Variants in IL4I1 observed in about 807,000 individuals in gnomAD.
The protein encoded by IL4I1 is L-amino-acid oxidase.
A neutral mutation model predicts 29.7 loss-of-function variants in IL4I1; 24 were observed. The observed-to-expected ratio is 0.81, with a 90% CI of 0.59 to 1.14. The LOEUF is 1.14. IL4I1 is among the 50% of genes most tolerant of loss of function. The probability of loss-of-function intolerance (pLI) is 0.00; values close to 1 mark genes in which losing one functional copy is unlikely to be tolerated. For missense variants in IL4I1, 686 were observed against 785.6 expected, an observed-to-expected ratio of 0.87 and a Z score of 1.52; for synonymous variants, 371 against 352.5, an observed-to-expected ratio of 1.05 and a Z score of -0.59.
intron 5 of IL4I1, among the ~76,000 whole-genome samples, chr19:49,891,793 A>G (rs2122506895): frequency 6.6e-6 from 1 of 152,236 alleles, no homozygotes; most frequent in East Asian, 1.9e-4. Context: ...TGTGAGCTCC[A>G]TGGAGGCAGG....
intron 2 of IL4I1, among the ~76,000 whole-genome samples, chr19:49,915,067 A>G (rs1421050474): frequency 6.6e-6 from 1 of 151,820 alleles, no homozygotes; most frequent in Non-Finnish European, 1.5e-5. Flanking sequence ...GATGCCTGGG[A>G]CAGGAGTCTG....
At chr19:49,893,874 C>T (rs181750981) in intron 5 of IL4I1, among the ~76,000 whole-genome samples, 83 of 150,910 alleles carry the variant, frequency 5.5e-4, no homozygotes, top group African/African-American at 1.9e-3. Flanking sequence ...GTAATCCCAG[C>T]TACTCGGGAG....
intron 7 of IL4I1, 43 bp downstream of exon 7, chr19:49,890,928 T>TGGGGGGGGGGGGGGGGGGGGGGGGGGG: frequency 3.2e-6 from 2 of 633,210 alleles, no homozygotes. Context: ...TTTCCCTGAT[T>TGGGGGGGGGGGGGGGGGGGGGGGGGGG]GCCCCCCGCC....
chr19:49,890,363 G>A lies in IL4I1; in HGVS notation c.1011C>T (p.Pro337=). The change falls in exon 8 of 8, where the codon CCC becomes CCT. Residue 337 remains proline, a synonymous_variant. Coordinates refer to ENST00000391826, the MANE Select transcript of IL4I1 (RefSeq NM_152899.2). Reference sequence around the variant, plus strand: ...TCCGCAGCGCCTCCTGCATGTGGCGGGGCAGCGGCGGCGAGAAGGTGATGC... The same window carrying A: ...TCCGCAGCGCCTCCTGCATGTGGCGAGGCAGCGGCGGCGAGAAGGTGATGC... The part of the protein sequence containing the change: ...VKRITFSPPL[P]RHMQEALRRL... 2 of 1,598,814 alleles carry A rather than the reference G, an allele frequency of 1.3e-6. No homozygotes were observed. The highest frequency in any genetic ancestry group is 1.7e-6 in the Non-Finnish European group (2 of 1,173,054).
At chr19:49,908,335 G>C in intron 2 of IL4I1, 1 of 1,614,148 alleles carries the variant, frequency 6.2e-7, no homozygotes, top group South Asian at 1.1e-5. Context: ...GCAGGGCCGA[G>C]TTCTGGTCGA....
At chr19:49,908,774 T>C in intron 2 of IL4I1, 1 of 1,613,806 alleles carries the variant, frequency 6.2e-7, no homozygotes, top group East Asian at 2.2e-5. Context: ...CTCCTGGTCC[T>C]CTAGCTCCAG....
At position 49,890,408 on chromosome 19, in the gene IL4I1, C is replaced by A. The variant is rs765334316; in HGVS notation, c.966G>T (p.Ala322=). The change falls in exon 8 of 8, where the codon GCG becomes GCT. Residue 322 remains alanine, a synonymous_variant. Coordinates refer to ENST00000391826, the MANE Select transcript of IL4I1 (RefSeq NM_152899.2). The part of the protein sequence containing the change: ...VLKADVVLLT[A]SGPAVKRITF... ...TGATGCGCTTCACCGCCGGTCCGCTCGCCGTCAGCAGCACCACGTCGGCCT... is the reference window on the plus strand; with the variant it reads ...TGATGCGCTTCACCGCCGGTCCGCTAGCCGTCAGCAGCACCACGTCGGCCT... The A allele has an allele frequency of 3.1e-6, 5 of 1,608,320 alleles. No homozygotes were observed. The highest frequency in any genetic ancestry group is 4.2e-6 in the Non-Finnish European group (5 of 1,178,700).
intron 2 of IL4I1, among the ~76,000 whole-genome samples, chr19:49,926,925 G>A (rs1175262849): frequency 2.0e-5 from 3 of 150,118 alleles, no homozygotes; most frequent in Admixed American, 6.7e-5. Context: ...GCACAATCTC[G>A]GCTTACTGCA....
intron 2 of IL4I1, among the ~76,000 whole-genome samples, chr19:49,925,295 CAAAAA>C (rs2075859958): frequency 6.6e-6 from 1 of 151,590 alleles, no homozygotes; most frequent in Admixed American, 6.6e-5. Context: ...CAAAACAAAA[CAAAAA>C]ACCCAGGCCG....
At position 49,891,465 on chromosome 19, in the gene IL4I1, T is replaced by G. The variant is rs572422374; in HGVS notation, c.576A>C (p.Lys192Asn). Residue 192 changes from lysine to asparagine, a missense_variant, in exon 6 of 8, where the codon AAA becomes AAC. Lys to Asn is a moderately conservative substitution (Grantham distance 94). Transcript: ENST00000391826. ...TTCTGCAGCCCAGTGCCTTGAGGTCTTTGAGGGCCTGTTGTGGAAGAAGCA... is the reference window on the plus strand; with the variant it reads ...TTCTGCAGCCCAGTGCCTTGAGGTCGTTGAGGGCCTGTTGTGGAAGAAGCA... ...IYQMALNQAL[K>N]DLKALGCRKA... is the part of the protein sequence containing the mutation. 1 of 1,614,108 alleles carries G rather than the reference T, an allele frequency of 6.2e-7. No homozygotes were observed. The highest frequency in any genetic ancestry group is 2.2e-5 in the East Asian group (1 of 44,882).
chr19:49,919,186 T>C (rs1032611346), intron 2 of IL4I1, among the ~76,000 whole-genome samples: 2 of 152,124 alleles, frequency 1.3e-5, no homozygotes, highest in African/African-American at 4.8e-5. Context: ...TGTGAATAGG[T>C]AGTATGTTCA....
chr19:49,899,183 C>A (rs2075248582), upstream of IL4I1, among the ~76,000 whole-genome samples: 2 of 152,210 alleles, frequency 1.3e-5, no homozygotes, highest in South Asian at 4.1e-4. Flanking sequence ...AGTCCTACAG[C>A]CGCATAACAG....
At chr19:49,913,174 G>A (rs1271095092) in intron 2 of IL4I1, 2 of 152,444 alleles carry the variant, frequency 1.3e-5, no homozygotes, top group African/African-American at 4.8e-5. Context: ...GTGAAGACAG[G>A]GAGGCCCACA....
chr19:49,898,874 C>CAAAA (rs757768091), upstream of IL4I1, among the ~76,000 whole-genome samples: 4 of 151,810 alleles, frequency 2.6e-5, no homozygotes, highest in Non-Finnish European at 4.4e-5. Context: ...GTCTCAAAAA[C>CAAAA]AAACAAACAA....
intron 2 of IL4I1, among the ~76,000 whole-genome samples, chr19:49,924,238 G>A (rs185560202): frequency 2.0e-5 from 3 of 152,150 alleles, no homozygotes; most frequent in Admixed American, 6.5e-5. Flanking sequence ...CTTACCTCTC[G>A]GGACCTCAGT....
rs139913264 is a variant in IL4I1 at position 49,908,372 on chromosome 19, T to C, written c.-227-4051A>G. ...CCACTGCAGTGAGTCCATGTGCGCA[T>C]TGAGGATCTTGCAGATCTGCTGCAG... is the stretch of plus-strand genomic sequence containing the variant. On this transcript the variant is annotated intron_variant, in intron 2 of 9. Coordinates refer to the IL4I1 transcript ENST00000341114. The C allele has an allele frequency of 2.4e-5, 38 of 1,614,196 alleles. No homozygotes were observed. Among genetic ancestry groups the C allele is most frequent in the Middle Eastern group, 1.6e-4 (1 of 6,062 alleles).
intron 2 of IL4I1, among the ~76,000 whole-genome samples, chr19:49,919,075 C>T (rs2075700628): frequency 6.6e-6 from 1 of 152,072 alleles, no homozygotes; most frequent in Admixed American, 6.6e-5. Context: ...ATTGCTTGAA[C>T]CTGGGAGGCG....
intron 2 of IL4I1, chr19:49,908,565 T>C: frequency 6.2e-7 from 1 of 1,614,196 alleles, no homozygotes; most frequent in African/African-American, 1.3e-5. Context: ...CTCTGCTCCT[T>C]GACCAACTCC....
chr19:49,904,912 G>A lies in IL4I1; in HGVS notation c.-227-591C>T, dbSNP rs769042035. Reference sequence around the variant, plus strand: ...TTTTTAGTAGAGACAGGGTTTCACCGTGTTAGCCAGGATGGTCTCGATCTC... The same window carrying A: ...TTTTTAGTAGAGACAGGGTTTCACCATGTTAGCCAGGATGGTCTCGATCTC... On this transcript the variant is annotated intron_variant, in intron 2 of 9. Transcript: ENST00000341114. Among the ~76,000 whole-genome samples the A allele has an allele frequency of 1.1e-3, 167 of 152,146 alleles. 2 individuals carry two copies. Among genetic ancestry groups the A allele is most frequent in the Non-Finnish European group, 2.0e-3 (134 of 67,986 alleles).
Sources: allele counts gnomAD v4.1 joint callset (sites outside exome capture counted in the v4.1 genomes callset), GRCh38; gene constraint gnomAD v4.1.1; transcripts MANE v1.5; gene names NCBI Gene and HGNC (gene_info 2026-07-23, HGNC 2026-07-21).